TMEFF2: variants seen among roughly 807,000 people sequenced by gnomAD.
TMEFF2 encodes transmembrane protein with EGF like and two follistatin like domains 2, also known as tomoregulin-2.
In TMEFF2, 28 loss-of-function variants were observed where a neutral mutation model predicts 53.8. The ratio of observed to expected loss-of-function variants is 0.52; its 90% CI spans 0.39 to 0.71. The LOEUF is 0.71. Among genes scored for constraint, TMEFF2 ranks in the 30% least tolerant of loss-of-function variants. TMEFF2 has a pLI of 0.00. For missense variants in TMEFF2, 353 were observed against 455.2 expected (o/e 0.78, Z 2.04); for synonymous variants, 162 against 166.3 (o/e 0.97, Z 0.20).
In TMEFF2 at chr2:191,984,259, A is replaced by G. The variant is rs116641310; in HGVS notation, c.745+14003T>C. Among the ~76,000 whole-genome samples the G allele has an allele frequency of 9.0e-3, 1,374 of 152,244 alleles. 14 individuals are homozygous for G. Among genetic ancestry groups the G allele is most frequent in the African/African-American group, 0.03 (1,263 of 41,558 alleles). On this transcript the variant is annotated intron_variant, in intron 7 of 9. Transcript: ENST00000272771. Reference sequence around the variant, plus strand: ...TTAGGTGATCAAGAAAACTTAGAAAATCTGTTTTTCCAAAGTTAATCTAAG... The same window carrying G: ...TTAGGTGATCAAGAAAACTTAGAAAGTCTGTTTTTCCAAAGTTAATCTAAG...
chr2:192,133,734 C>T (rs917900285), intron 4 of TMEFF2, among the ~76,000 whole-genome samples: 4 of 152,176 alleles, frequency 2.6e-5, no homozygotes, highest in Admixed American at 6.5e-5. Flanking sequence ...TGGACTGACC[C>T]TGACACCCAT....
intron 4 of TMEFF2, among the ~76,000 whole-genome samples, chr2:192,164,638 G>T (rs1388109636): frequency 1.3e-5 from 2 of 151,504 alleles, no homozygotes; most frequent in Non-Finnish European, 2.9e-5. Context: ...TGAGGCAGGA[G>T]AATCGCTTGA....
At chr2:191,964,202 TTCTTTCTC>T (rs1437666859) in intron 7 of TMEFF2, among the ~76,000 whole-genome samples, 1 of 151,596 alleles carries the variant, frequency 6.6e-6, no homozygotes, top group Non-Finnish European at 1.5e-5. Context: ...TCCTTTCTCT[TTCTTTCTC>T]TCTTTCTGTC....
intron 4 of TMEFF2, among the ~76,000 whole-genome samples, chr2:192,096,544 G>A (rs1574368898): frequency 6.6e-6 from 1 of 151,940 alleles, no homozygotes; most frequent in East Asian, 1.9e-4. Context: ...ATTTAAAATT[G>A]AGTGTATATT....
At chr2:191,982,977 G>A (rs1488589451) in intron 7 of TMEFF2, among the ~76,000 whole-genome samples, 2 of 152,102 alleles carry the variant, frequency 1.3e-5, no homozygotes, top group South Asian at 2.1e-4. Context: ...ATGGGAGTCC[G>A]AAATGTCTGC....
chr2:192,173,573 T>C (rs1690966925), intron 4 of TMEFF2, among the ~76,000 whole-genome samples: 1 of 151,886 alleles, frequency 6.6e-6, no homozygotes, highest in African/African-American at 2.4e-5. Flanking sequence ...TCTTTATTGG[T>C]TTTCTATAAA....
At chr2:191,977,048 CA>C (rs1433329935) in intron 7 of TMEFF2, among the ~76,000 whole-genome samples, 1 of 152,158 alleles carries the variant, frequency 6.6e-6, no homozygotes, top group Non-Finnish European at 1.5e-5. Flanking sequence ...AAGTTCCTGG[CA>C]CATAGTAAGT....
chr2:192,130,675 C>T (rs1689798481), intron 4 of TMEFF2, among the ~76,000 whole-genome samples: 1 of 151,980 alleles, frequency 6.6e-6, no homozygotes, highest in Admixed American at 6.6e-5. Context: ...CATTACCTTC[C>T]CAAATCCTAT....
intron 3 of TMEFF2, among the ~76,000 whole-genome samples, chr2:192,181,369 T>A (rs1691180265): frequency 6.6e-6 from 1 of 151,826 alleles, no homozygotes; most frequent in Non-Finnish European, 1.5e-5. Flanking sequence ...ATGTATATAG[T>A]TTCTTTTAAA....
At chr2:191,978,880 T>C (rs1325359746) in intron 7 of TMEFF2, among the ~76,000 whole-genome samples, 4 of 152,176 alleles carry the variant, frequency 2.6e-5, no homozygotes, top group South Asian at 2.1e-4. Flanking sequence ...AAGCAGCAAA[T>C]GGCCTATTGT....
intron 4 of TMEFF2, among the ~76,000 whole-genome samples, chr2:192,100,821 T>C (rs893760374): frequency 6.6e-6 from 1 of 152,202 alleles, no homozygotes; most frequent in Non-Finnish European, 1.5e-5. Flanking sequence ...TATATTATAG[T>C]TCACGGTGAT....
At chr2:192,108,737 A>G (rs1344026944) in intron 4 of TMEFF2, among the ~76,000 whole-genome samples, 2 of 152,052 alleles carry the variant, frequency 1.3e-5, no homozygotes, top group African/African-American at 4.8e-5. Context: ...TCAAACAGAT[A>G]CCTGTACGCC....
At chr2:192,024,945 T>A (rs1686937175) in intron 5 of TMEFF2, among the ~76,000 whole-genome samples, 3 of 152,132 alleles carry the variant, frequency 2.0e-5, no homozygotes, top group Admixed American at 6.6e-5. Flanking sequence ...AGTTGGCTGG[T>A]TGGCCAGGAG....
At chr2:192,167,432 A>C (rs1192194980) in intron 4 of TMEFF2, among the ~76,000 whole-genome samples, 4 of 152,170 alleles carry the variant, frequency 2.6e-5, no homozygotes, top group African/African-American at 9.7e-5. Context: ...AATGTATAAA[A>C]CTAATACAGC....
chr2:191,995,043 G>A (rs887779468), intron 7 of TMEFF2, among the ~76,000 whole-genome samples: 6 of 151,912 alleles, frequency 3.9e-5, no homozygotes, highest in African/African-American at 1.5e-4. Context: ...TGAGGATCAT[G>A]GAATTCACAT....
chr2:192,077,492 C>G (rs551011582), intron 4 of TMEFF2, among the ~76,000 whole-genome samples: 21 of 152,024 alleles, frequency 1.4e-4, no homozygotes, highest in Middle Eastern at 3.4e-3. Flanking sequence ...TATTTTTTTT[C>G]TTCCTCAAAC....
At chr2:192,126,259 C>T (rs770412339) in intron 4 of TMEFF2, among the ~76,000 whole-genome samples, 3 of 152,146 alleles carry the variant, frequency 2.0e-5, no homozygotes, top group Non-Finnish European at 4.4e-5. Flanking sequence ...AAAATAGATC[C>T]TTAATATGCT....
chr2:192,141,923 A>G (rs1406170288), intron 4 of TMEFF2, among the ~76,000 whole-genome samples: 2 of 152,184 alleles, frequency 1.3e-5, no homozygotes, highest in Non-Finnish European at 2.9e-5. Flanking sequence ...CTAGGCTTAT[A>G]TGGGAAAATT....
At chr2:192,001,763 CT>C (rs35513403) in intron 5 of TMEFF2, among the ~76,000 whole-genome samples, 102,470 of 152,014 alleles carry the variant, frequency 0.67, 35,928 homozygotes, top group South Asian at 0.78. Context: ...CACCTTTCAC[CT>C]TCTGCCATGA....
Sources: allele counts gnomAD v4.1 joint callset (sites outside exome capture counted in the v4.1 genomes callset), GRCh38; gene constraint gnomAD v4.1.1; transcripts MANE v1.5; gene names NCBI Gene and HGNC (gene_info 2026-07-23, HGNC 2026-07-21).